CRYM: variants seen among roughly 807,000 people sequenced by gnomAD.
CRYM encodes the protein ketimine reductase mu-crystallin.
CRYM carries 18 observed loss-of-function variants against 32.9 expected under a neutral mutation model. The observed-to-expected ratio is 0.55, with a 90% CI of 0.38 to 0.81. The LOEUF (loss-of-function observed/expected upper bound fraction) is 0.81. Among genes scored for constraint, CRYM ranks in the 30% least tolerant of loss-of-function variants. CRYM has a pLI of 0.00. For synonymous variants in CRYM, 153 were observed against 152.4 expected, an observed-to-expected ratio of 1.00 and a Z score of -0.03; for missense variants, 337 against 393.5, an observed-to-expected ratio of 0.86 and a Z score of 1.21.
At chr16:21,293,337 A>C (rs1960711024) in intron 1 of CRYM, among the ~76,000 whole-genome samples, 1 of 152,216 alleles carries the variant, frequency 6.6e-6, no homozygotes, top group African/African-American at 2.4e-5. Flanking sequence ...AGGGAAAAGC[A>C]AATCTGAGTG....
In CRYM at chr16:21,277,049, AT is replaced by A. The variant is rs2093388016; in HGVS notation, c.324+381del. On this transcript the variant is annotated intron_variant, in intron 2 of 7. Transcript: ENST00000572914. This position sits in a 1 kb window ranked among gnomAD's most constrained non-coding sequence, Gnocchi z 4.2. ...TATACCCCTCTGAAGACTCCCAGGGATTATAGAACACCCCTTCTTTTCCATG... is the reference window on the plus strand; with the variant it reads ...TATACCCCTCTGAAGACTCCCAGGGATATAGAACACCCCTTCTTTTCCATG... Among the ~76,000 whole-genome samples, 1 of 152,206 alleles carries A rather than the reference AT, an allele frequency of 6.6e-6. No individual in the cohort carries two copies.
At chr16:21,292,478 T>A (rs532647490) in intron 1 of CRYM, among the ~76,000 whole-genome samples, 2 of 152,278 alleles carry the variant, frequency 1.3e-5, no homozygotes, top group East Asian at 3.9e-4. Flanking sequence ...TCAATATTTT[T>A]AAATTGTCAA....
chr16:21,296,646 A>T (rs972858926), intron 1 of CRYM, among the ~76,000 whole-genome samples: 1 of 152,252 alleles, frequency 6.6e-6, no homozygotes, highest in African/African-American at 2.4e-5. Context: ...CAAGCATTTT[A>T]TAATAGAAAA....
At chr16:21,302,754 G>C (rs965765540) in intron 1 of CRYM, among the ~76,000 whole-genome samples, 12 of 152,184 alleles carry the variant, frequency 7.9e-5, no homozygotes, top group African/African-American at 2.9e-4. Flanking sequence ...CTTGATGATT[G>C]CATTTCAAAG....
chr16:21,266,851 C>CA (rs1411010895), intron 5 of CRYM, among the ~76,000 whole-genome samples: 2 of 151,576 alleles, frequency 1.3e-5, no homozygotes, highest in East Asian at 3.9e-4. Context: ...CCAAAAATTA[C>CA]AAAAAATTAG....
chr16:21,294,704 C>CT (rs1370526807), intron 1 of CRYM, among the ~76,000 whole-genome samples: 214 of 98,376 alleles, frequency 2.2e-3, no homozygotes, highest in South Asian at 5.1e-3. Flanking sequence ...TTTTTTTTTT[C>CT]TTTTTTTTTT....
rs138521692 is a variant in CRYM, at chr16:21,277,524, G to T, written c.231C>A (p.Val77=). The T allele has an allele frequency of 5.0e-6, 8 of 1,613,972 alleles. No homozygotes were observed. Among genetic ancestry groups the T allele is most frequent in the Non-Finnish European group, 6.8e-6 (8 of 1,180,008 alleles). ...TGATGCCGCGGTCCTCGTAGAAGGTGACCAACTTGGTGGTCAGTGCATCCT... is the reference window on the plus strand; with the variant it reads ...TGATGCCGCGGTCCTCGTAGAAGGTTACCAACTTGGTGGTCAGTGCATCCT... ...AAEDALTTKL[V]TFYEDRGITS... Residue 77 remains valine, a synonymous_variant, in exon 2 of 8, where the codon GTC becomes GTA. Transcript: ENST00000572914. The surrounding 1 kb of genome is among the most constrained non-coding windows in gnomAD (Gnocchi z 4.2).
At chr16:21,285,558 C>T (rs2093405969) in intron 1 of CRYM, among the ~76,000 whole-genome samples, 1 of 152,226 alleles carries the variant, frequency 6.6e-6, no homozygotes, top group South Asian at 2.1e-4. Flanking sequence ...AATTGTAAAG[C>T]TAATCTCAAT....
chr16:21,259,340 T>C (rs2093350178), intron 7 of CRYM, among the ~76,000 whole-genome samples: 1 of 151,742 alleles, frequency 6.6e-6, no homozygotes. Flanking sequence ...ACTCCTGACC[T>C]CAGGCGATCC....
chr16:21,259,416 CTT>C (rs2093350366), intron 7 of CRYM, among the ~76,000 whole-genome samples: 1 of 151,994 alleles, frequency 6.6e-6, no homozygotes, highest in Non-Finnish European at 1.5e-5. Flanking sequence ...CCTGAACAAA[CTT>C]TTCAAAAAGG....
At chr16:21,262,482 G>C in intron 5 of CRYM, 1 of 358,406 alleles carries the variant, frequency 2.8e-6, no homozygotes, top group Non-Finnish European at 5.5e-6. Flanking sequence ...ATCCAGGCGT[G>C]GTGGCTCACA....
chr16:21,299,784 A>G (rs1002690011), intron 1 of CRYM: 1 of 152,194 alleles, frequency 6.6e-6, no homozygotes, highest in Non-Finnish European at 1.5e-5. Flanking sequence ...AGCAGGTCAT[A>G]TTGCCTTTTG....
chr16:21,289,005 T>C (rs917768726), intron 1 of CRYM, among the ~76,000 whole-genome samples: 2 of 152,212 alleles, frequency 1.3e-5, no homozygotes, highest in African/African-American at 4.8e-5. Context: ...TTTTGTGGCC[T>C]AATTAATGGT....
rs2272559 is a variant in CRYM, at chr16:21,269,752, C to G, written c.489+38G>C. ...AGTATAGACAGGTCAAGGACCACCCCCTTCCCTCTTCTCTCCCACCCCCAC... is the reference window on the plus strand; with the variant it reads ...AGTATAGACAGGTCAAGGACCACCCGCTTCCCTCTTCTCTCCCACCCCCAC... On this transcript the variant is annotated intron_variant, in intron 4 of 7. Coordinates refer to ENST00000572914, the MANE Select transcript of CRYM (RefSeq NM_001376256.1). 0.013 allele frequency: 13,797 copies of G among 1,076,398 alleles called. 665 individuals are homozygous for G. Among genetic ancestry groups the G allele is most frequent in the East Asian group, 0.11 (4,261 of 38,022 alleles). The allele number at this position is 1,076,398 out of a possible 1,614,324, so 66.7% of individuals were successfully genotyped here.
intron 7 of CRYM, 136 bp downstream of exon 7, chr16:21,261,118 C>G: frequency 1.3e-6 from 1 of 764,580 alleles, no homozygotes; most frequent in Non-Finnish European, 2.3e-6. Context: ...TAGGCTAAAC[C>G]ATGTAAATAA....
intron 3 of CRYM, among the ~76,000 whole-genome samples, chr16:21,274,731 G>A (rs761993294): frequency 1.3e-5 from 2 of 151,808 alleles, no homozygotes; most frequent in Non-Finnish European, 2.9e-5. Context: ...TCACTCTCCC[G>A]GGTAGCTGAG....
chr16:21,285,258 A>G (rs2093405547), intron 1 of CRYM, among the ~76,000 whole-genome samples: 1 of 152,218 alleles, frequency 6.6e-6, no homozygotes, highest in South Asian at 2.1e-4. Context: ...GGCATAGTGA[A>G]TGGCTTTTAA....
At chr16:21,263,423 C>T (rs1191981766) in intron 5 of CRYM, among the ~76,000 whole-genome samples, 2 of 152,044 alleles carry the variant, frequency 1.3e-5, no homozygotes, top group Non-Finnish European at 2.9e-5. Flanking sequence ...AACAAAAACT[C>T]ACCACAGCCT....
rs149607613 is a variant in CRYM at position 21,286,962 on chromosome 16, C to T, written c.-192-8002G>A. Among the ~76,000 whole-genome samples, 1,245 of 152,004 alleles carry T rather than the reference C, an allele frequency of 8.2e-3. 19 individuals carry two copies. The highest frequency in any genetic ancestry group is 0.029 in the African/African-American group (1,182 of 41,452). Reference sequence around the variant, plus strand: ...AAAATTAGCTGGGCGTGGTGGTGGGCGCCTGTAGTCCCAGCTACTAGGGAG... The same window carrying T: ...AAAATTAGCTGGGCGTGGTGGTGGGTGCCTGTAGTCCCAGCTACTAGGGAG... On this transcript the variant is annotated intron_variant, in intron 1 of 9. Transcript: ENST00000219599.
Sources: allele counts gnomAD v4.1 joint callset (sites outside exome capture counted in the v4.1 genomes callset), GRCh38; gene constraint gnomAD v4.1.1; non-coding constraint Gnocchi (gnomAD v3.1); transcripts MANE v1.5; gene names NCBI Gene and HGNC (gene_info 2026-07-23, HGNC 2026-07-21).